CDK13: variants seen among roughly 807,000 people sequenced by gnomAD.
The protein encoded by CDK13 is cyclin-dependent kinase 13.
In CDK13, 40 loss-of-function variants were observed where a neutral mutation model predicts 137.6. That is an observed-to-expected ratio of 0.29 (90% CI 0.23 to 0.38). The LOEUF is 0.38. CDK13 is among the 10% of genes least tolerant of loss of function. CDK13 has a pLI of 1.00. For missense variants in CDK13, 1,704 were observed against 1,951.8 expected (o/e 0.87, Z 2.39); for synonymous variants, 869 against 760.1 (o/e 1.14, Z -2.36).
At chr7:39,988,661 T>C (rs943926287) in intron 2 of CDK13, among the ~76,000 whole-genome samples, 6 of 152,196 alleles carry the variant, frequency 3.9e-5, no homozygotes, top group African/African-American at 1.4e-4. Context: ...TCAGTGGCCT[T>C]GTAAATTTAT....
Position 39,980,013 on chromosome 7 carries a change from C to G in CDK13, c.1212-7586C>G, listed in dbSNP as rs574770536. Among the ~76,000 whole-genome samples the G allele has an allele frequency of 2.0e-4, 31 of 152,286 alleles. No homozygotes were observed. The South Asian group carries it at 6.0e-3, about 30-fold the overall frequency. ...CTCTGGTGACATGTTGATTTTAGTT[C>G]ACTGAGACTGATTTTGGACTTCTGA... On this transcript the variant is annotated intron_variant, in intron 1 of 13. Transcript: ENST00000181839.
intron 5 of CDK13, among the ~76,000 whole-genome samples, chr7:40,004,461 G>A (rs1182984622): frequency 1.3e-5 from 2 of 152,190 alleles, no homozygotes; most frequent in Admixed American, 1.3e-4. Context: ...ATGCATTAGA[G>A]AATGTGAGAG....
intron 1 of CDK13, among the ~76,000 whole-genome samples, chr7:39,964,856 T>C (rs1023630874): frequency 3.9e-5 from 6 of 152,220 alleles, no homozygotes; most frequent in African/African-American, 1.2e-4. Flanking sequence ...AGAACATCTT[T>C]ATTTCTGCCT....
At chr7:40,013,475 A>C (rs1385765293) in intron 5 of CDK13, among the ~76,000 whole-genome samples, 1 of 152,238 alleles carries the variant, frequency 6.6e-6, no homozygotes, top group Non-Finnish European at 1.5e-5. Flanking sequence ...TGGGTAAACC[A>C]AGAAAACGTG....
At chr7:39,997,138 A>G (rs111883651) in intron 2 of CDK13, among the ~76,000 whole-genome samples, 14 of 152,232 alleles carry the variant, frequency 9.2e-5, no homozygotes, top group African/African-American at 3.1e-4. Flanking sequence ...AATTATGAAG[A>G]TACTACAGGG....
intron 1 of CDK13, among the ~76,000 whole-genome samples, chr7:39,982,576 C>G (rs1191080908): frequency 6.6e-6 from 1 of 152,096 alleles, no homozygotes; most frequent in Non-Finnish European, 1.5e-5. Flanking sequence ...TTCTAGATCC[C>G]TGAGGAATCG....
At chr7:40,051,636 A>G (rs553782061) in intron 7 of CDK13, among the ~76,000 whole-genome samples, 30 of 152,318 alleles carry the variant, frequency 2.0e-4, no homozygotes, top group East Asian at 1.9e-4. Flanking sequence ...TTGTTTGTAA[A>G]TAGAGCAGTT....
chr7:39,951,596 C>T lies in CDK13; in HGVS notation c.955C>T (p.Leu319=), dbSNP rs1181582337. The T allele has an allele frequency of 2.2e-5, 33 of 1,491,404 alleles. 2 individuals are homozygous for T. Among genetic ancestry groups the T allele is most frequent in the South Asian group, 1.3e-4 (10 of 76,538 alleles). 92.4% of individuals were successfully genotyped at this position (1,491,404 alleles called of 1,614,324 possible). A position where few individuals can be genotyped will look rare whatever the true frequency, so the allele number is the denominator to read the frequency against. The change falls in exon 1 of 14, where the codon CTG becomes TTG. Residue 319 remains leucine (L), a synonymous_variant. Transcript: ENST00000181839. ...AYRRRRSLSP[L]GGRDDSPVSH... ...CAGGCGGCGGCGGTCCCTCAGCCCA[C>T]TGGGAGGCCGGGACGACAGCCCGGT...
Position 40,078,132 on chromosome 7 carries a change from G to A in CDK13, c.2897+11G>A, listed in dbSNP as rs532483915. On this transcript the variant is annotated intron_variant, in intron 10 of 13. Coordinates refer to ENST00000181839, the MANE Select transcript of CDK13 (RefSeq NM_003718.5). Reference sequence around the variant, plus strand: ...AGAAGAATTTGTTTTGTAAGAAGGGGATGTGTAAACATCCTTATTGCATGA... The same window carrying A: ...AGAAGAATTTGTTTTGTAAGAAGGGAATGTGTAAACATCCTTATTGCATGA... 9.0e-6 allele frequency: 12 copies of A among 1,334,826 alleles called. No homozygotes were observed. The South Asian group carries it at 1.5e-4, about 17-fold the overall frequency. The allele number at this position is 1,334,826 out of a possible 1,614,324, so 82.7% of individuals were successfully genotyped here.
chr7:40,074,435 A>G (rs1192908427), intron 9 of CDK13, among the ~76,000 whole-genome samples: 2 of 149,812 alleles, frequency 1.3e-5, no homozygotes, highest in Non-Finnish European at 1.5e-5. Flanking sequence ...AGGCAGGAGA[A>G]TGGCATGAAC....
At chr7:40,076,076 C>G (rs1398408169) in intron 9 of CDK13, among the ~76,000 whole-genome samples, 1 of 152,226 alleles carries the variant, frequency 6.6e-6, no homozygotes, top group East Asian at 1.9e-4. Context: ...ATTCTTCACT[C>G]TTTCCCTAAC....
chr7:39,987,529 G>A, intron 1 of CDK13, 70 bp from the exon 2 acceptor site: 1 of 1,179,718 alleles, frequency 8.5e-7, no homozygotes, highest in East Asian at 2.5e-5. Context: ...ACTTGAATTA[G>A]CACTGTCTTT....
chr7:40,031,627 T>TA (rs900442089), intron 5 of CDK13, among the ~76,000 whole-genome samples: 4 of 152,200 alleles, frequency 2.6e-5, no homozygotes, highest in African/African-American at 7.2e-5. Flanking sequence ...GCCTTCTTTT[T>TA]AATTGGGCTG....
At chr7:40,057,128 G>T (rs1786037026) in intron 7 of CDK13, among the ~76,000 whole-genome samples, 1 of 152,126 alleles carries the variant, frequency 6.6e-6, no homozygotes, top group Non-Finnish European at 1.5e-5. Context: ...GGTGGCAGAT[G>T]CCTGTAATCC....
chr7:39,987,568 T>C, intron 1 of CDK13, 31 bp from the exon 2 acceptor site: 12 of 1,520,320 alleles, frequency 7.9e-6, no homozygotes, highest in Non-Finnish European at 1.1e-5. Context: ...CTTTCTCAAT[T>C]ACTGATTAAA....
intron 9 of CDK13, among the ~76,000 whole-genome samples, chr7:40,075,964 A>G (rs941270546): frequency 2.6e-5 from 4 of 152,150 alleles, no homozygotes; most frequent in Non-Finnish European, 4.4e-5. Context: ...ATACTTTGCT[A>G]CTTCCATGCC....
chr7:40,019,550 C>T (rs558829795), intron 5 of CDK13, among the ~76,000 whole-genome samples: 45 of 152,102 alleles, frequency 3.0e-4, no homozygotes, highest in Non-Finnish European at 5.6e-4. Context: ...TTCAAGGCCT[C>T]AACTGCTTGG....
chr7:40,067,620 A>G (rs1261290864), intron 9 of CDK13: 1 of 152,128 alleles, frequency 6.6e-6, no homozygotes, highest in Non-Finnish European at 1.5e-5. Context: ...TATGACACAC[A>G]TATCGGTACT....
At chr7:39,980,092 G>C (rs1437886310) in intron 1 of CDK13, among the ~76,000 whole-genome samples, 1 of 152,192 alleles carries the variant, frequency 6.6e-6, no homozygotes. Flanking sequence ...CTGACTTTGT[G>C]GAGTTTTCTG....
Sources: allele counts gnomAD v4.1 joint callset (sites outside exome capture counted in the v4.1 genomes callset), GRCh38; gene constraint gnomAD v4.1.1; transcripts MANE v1.5; gene names NCBI Gene and HGNC (gene_info 2026-07-23, HGNC 2026-07-21).